The following CUX2 variants were observed in gnomAD, a reference collection of about 807,000 sequenced individuals.
The protein encoded by CUX2 is cut like homeobox 2.
In CUX2, 40 loss-of-function variants were observed where a neutral mutation model predicts 144.8. The observed-to-expected ratio is 0.28, with a 90% CI of 0.21 to 0.36. CUX2 has a LOEUF of 0.36. Ranked by LOEUF, CUX2 falls within the 10% of genes least tolerant of loss-of-function variation. CUX2 has a pLI of 1.00. For missense variants in CUX2, 1,615 were observed against 1,994.0 expected, an observed-to-expected ratio of 0.81 and a Z score of 3.62; for synonymous variants, 827 against 875.6, an observed-to-expected ratio of 0.94 and a Z score of 0.98.
chr12:111,335,335 G>A (rs1449501923), intron 19 of CUX2, among the ~76,000 whole-genome samples: 1 of 152,082 alleles, frequency 6.6e-6, no homozygotes, highest in South Asian at 2.1e-4. Context: ...AGAGGTTGCA[G>A]TGAGCCGAGA....
At chr12:111,250,835 G>T (rs1173895457) in intron 3 of CUX2, among the ~76,000 whole-genome samples, 2 of 152,132 alleles carry the variant, frequency 1.3e-5, no homozygotes, top group African/African-American at 4.8e-5. Context: ...GAGAAAACTG[G>T]ACATAGATGC....
chr12:111,201,489 C>T (rs1880592160), intron 1 of CUX2, among the ~76,000 whole-genome samples: 1 of 152,226 alleles, frequency 6.6e-6, no homozygotes, highest in South Asian at 2.1e-4. Context: ...CCCTCCTCCT[C>T]TAGTGCCTTC....
In CUX2 at chr12:111,341,887, C is replaced by T. The variant is rs377515407; in HGVS notation, c.3493C>T (p.Leu1165Phe). 2 of 1,614,076 alleles carry T rather than the reference C, an allele frequency of 1.2e-6. No homozygotes were observed. Among genetic ancestry groups the T allele is most frequent in the Non-Finnish European group, 1.7e-6 (2 of 1,180,020 alleles). The change falls in exon 21 of 22, where the codon CTC (leucine) becomes TTC (phenylalanine). Residue 1165 changes from leucine (L) to phenylalanine (F), a missense_variant. Coordinates refer to ENST00000261726, the MANE Select transcript of CUX2 (RefSeq NM_015267.4). ...SPCLQPQDLSLLQIKKPRVVL... is the reference protein window; with the variant it reads ...SPCLQPQDLSFLQIKKPRVVL... ...CTGCCTGCAGCCCCAGGACCTGAGCCTCCTGCAGATCAAGAAGCCCCGGGT... is the reference window on the plus strand; with the variant it reads ...CTGCCTGCAGCCCCAGGACCTGAGCTTCCTGCAGATCAAGAAGCCCCGGGT...
At chr12:111,345,117 T>C (rs1325415370) in intron 21 of CUX2, among the ~76,000 whole-genome samples, 1 of 151,882 alleles carries the variant, frequency 6.6e-6, no homozygotes, top group Non-Finnish European at 1.5e-5. Context: ...TTTAAAGGAT[T>C]TGCCATTTTT....
chr12:111,318,406 A>C (rs1592960532), intron 16 of CUX2, among the ~76,000 whole-genome samples: 1 of 149,066 alleles, frequency 6.7e-6, no homozygotes, highest in African/African-American at 2.5e-5. Flanking sequence ...TGCTTTTTTC[A>C]CTCAATATTA....
intron 9 of CUX2, among the ~76,000 whole-genome samples, chr12:111,302,067 T>C (rs1421176756): frequency 2.6e-5 from 4 of 152,202 alleles, no homozygotes; most frequent in Non-Finnish European, 4.4e-5. Flanking sequence ...CAAAACAAAA[T>C]TGACTTGAAC....
chr12:111,059,482 GT>G lies in CUX2; in HGVS notation c.63+25246del. The stretch of plus-strand genomic sequence containing the variant: ...TACTGCCTGATTCCTGGACCATTTT[GT>G]TTTCTATGAGGGCCCCATTGATGCC... On this transcript the variant is annotated intron_variant, in intron 1 of 21. Transcript: ENST00000261726. This position sits in a 1 kb window ranked among gnomAD's most constrained non-coding sequence, Gnocchi z 5.3. Among the ~76,000 whole-genome samples, 1 of 152,308 alleles carries G rather than the reference GT, an allele frequency of 6.6e-6. No individual in the cohort carries two copies. The highest frequency in any genetic ancestry group is 2.1e-4 in the South Asian group (1 of 4,824).
chr12:111,160,861 G>A lies in CUX2; in HGVS notation c.64-53339G>A, dbSNP rs532784267. ...AAGATGACTCCCGGGCTCCTGGCCTGAACAGCTGGGTGGACTCCGTGCCGC... is the reference window on the plus strand; with the variant it reads ...AAGATGACTCCCGGGCTCCTGGCCTAAACAGCTGGGTGGACTCCGTGCCGC... On this transcript the variant is annotated intron_variant, in intron 1 of 21. Transcript: ENST00000261726. This position sits in a 1 kb window ranked among gnomAD's most constrained non-coding sequence, Gnocchi z 4.1. 1.3e-5 allele frequency among the ~76,000 whole-genome samples: 2 copies of A among 152,304 alleles called. No homozygotes were observed. Among genetic ancestry groups the A allele is most frequent in the Non-Finnish European group, 2.9e-5 (2 of 68,008 alleles).
At chr12:111,153,370 G>A (rs922832975) in intron 1 of CUX2, among the ~76,000 whole-genome samples, 30 of 152,112 alleles carry the variant, frequency 2.0e-4, no homozygotes, top group African/African-American at 6.8e-4. Flanking sequence ...TGAGAAATGC[G>A]TTGTTAGTCA....
intron 1 of CUX2, among the ~76,000 whole-genome samples, chr12:111,085,335 TAGAG>T (rs1447401894): frequency 2.6e-5 from 4 of 152,128 alleles, no homozygotes; most frequent in African/African-American, 7.2e-5. Context: ...GCTTACTCCT[TAGAG>T]AGCCCATTGT....
At chr12:111,329,514 T>G (rs1887995318) in intron 18 of CUX2, among the ~76,000 whole-genome samples, 1 of 152,202 alleles carries the variant, frequency 6.6e-6, no homozygotes, top group Admixed American at 6.5e-5. Flanking sequence ...TGTTCTTTCC[T>G]GCCAATCATC....
chr12:111,169,438 C>T (rs1878374270), intron 1 of CUX2, among the ~76,000 whole-genome samples: 1 of 152,188 alleles, frequency 6.6e-6, no homozygotes, highest in African/African-American at 2.4e-5. Context: ...GGAACAGAAC[C>T]CCCTTTCCCC....
intron 1 of CUX2, among the ~76,000 whole-genome samples, chr12:111,055,416 G>A (rs1012519303): frequency 2.0e-5 from 3 of 152,246 alleles, no homozygotes; most frequent in African/African-American, 7.2e-5. Context: ...GCAATGAGGC[G>A]GCCCCGGCCC....
chr12:111,330,734 T>C (rs1160158751), intron 18 of CUX2, among the ~76,000 whole-genome samples: 1,243 of 54,766 alleles, frequency 0.023, 100 homozygotes, highest in African/African-American at 0.085. Flanking sequence ...TATATATATA[T>C]ATATATATAT....
rs1250429338 is a variant in CUX2 at position 111,034,747 on chromosome 12, GA to G, written c.63+508del. ...GGAGGAGAGGAGGAGGAGGAGGAGAGAGGAGGAGGGAGCCGGGGTTGGCGAG... is the reference window on the plus strand; with the variant it reads ...GGAGGAGAGGAGGAGGAGGAGGAGAGGGAGGAGGGAGCCGGGGTTGGCGAG... On this transcript the variant is annotated intron_variant, in intron 1 of 21. Transcript: ENST00000261726. This position sits in a 1 kb window ranked among gnomAD's most constrained non-coding sequence, Gnocchi z 4.2. Among the ~76,000 whole-genome samples, 2 of 150,852 alleles carry G rather than the reference GA, an allele frequency of 1.3e-5. No homozygotes were observed. The highest frequency in any genetic ancestry group is 3.0e-5 in the Non-Finnish European group (2 of 67,328).
intron 1 of CUX2, among the ~76,000 whole-genome samples, chr12:111,191,787 C>G (rs2136195112): frequency 6.6e-6 from 1 of 152,316 alleles, no homozygotes; most frequent in East Asian, 1.9e-4. Flanking sequence ...TGTTCTCCAC[C>G]TGGGGACCCC....
chr12:111,324,073 G>A lies in CUX2; in HGVS notation c.2926+1493G>A, dbSNP rs926628788. Reference sequence around the variant, plus strand: ...ATTAATAAAATGAAATGTATAGGCCGGGTGTGATGGCTCACACCTGTAATC... The same window carrying A: ...ATTAATAAAATGAAATGTATAGGCCAGGTGTGATGGCTCACACCTGTAATC... On this transcript the variant is annotated intron_variant, in intron 18 of 21. Transcript: ENST00000261726. 2.6e-5 allele frequency among the ~76,000 whole-genome samples: 4 copies of A among 151,694 alleles called. No individual in the cohort carries two copies. The South Asian group carries it at 6.3e-4, about 24-fold the overall frequency.
chr12:111,083,014 C>T (rs750342133), intron 1 of CUX2, among the ~76,000 whole-genome samples: 1 of 152,076 alleles, frequency 6.6e-6, no homozygotes, highest in Non-Finnish European at 1.5e-5. Context: ...CATTTGTGGC[C>T]GTTTCATGGT....
At chr12:111,299,489 G>A (rs1473631234) in intron 9 of CUX2, among the ~76,000 whole-genome samples, 1 of 152,012 alleles carries the variant, frequency 6.6e-6, no homozygotes, top group Non-Finnish European at 1.5e-5. Context: ...CCACCAGAAG[G>A]TGCAGGCCTG....
Sources: gnomAD v4.1 joint callset for allele counts (sites outside exome capture counted in the v4.1 genomes callset) on GRCh38, gnomAD v4.1.1 for gene constraint, Gnocchi (gnomAD v3.1) non-coding constraint, MANE v1.5 for transcripts, NCBI Gene and HGNC (gene_info 2026-07-23, HGNC 2026-07-21) for gene names.